The following KCTD8 variants were observed in gnomAD, a reference collection of about 807,000 sequenced individuals.
KCTD8 encodes potassium channel tetramerization domain containing 8.
Under a neutral mutation model 31.5 loss-of-function variants are expected in KCTD8, and 27 were observed. The ratio of observed to expected loss-of-function variants is 0.86; its 90% CI spans 0.63 to 1.18. The LOEUF is 1.18. Among genes scored for constraint, KCTD8 ranks in the 50% most tolerant of loss-of-function variants. KCTD8 has a pLI of 0.00. For synonymous variants in KCTD8, 290 were observed against 280.0 expected, an observed-to-expected ratio of 1.04 and a Z score of -0.36; for missense variants, 658 against 647.7, an observed-to-expected ratio of 1.02 and a Z score of -0.17.
At chr4:44,264,536 A>C (rs980941921) in intron 1 of KCTD8, among the ~76,000 whole-genome samples, 3 of 152,300 alleles carry the variant, frequency 2.0e-5, no homozygotes, top group African/African-American at 4.8e-5. Flanking sequence ...CAGTGGGCGC[A>C]GGACAGCGGG....
At chr4:44,176,341 C>G (rs1409625457) in intron 1 of KCTD8, among the ~76,000 whole-genome samples, 1 of 152,156 alleles carries the variant, frequency 6.6e-6, no homozygotes, top group African/African-American at 2.4e-5. Context: ...GAATCACCTA[C>G]AAAGCTTCAG....
chr4:44,360,212 C>T (rs1719460443), intron 1 of KCTD8, among the ~76,000 whole-genome samples: 1 of 151,744 alleles, frequency 6.6e-6, no homozygotes, highest in African/African-American at 2.4e-5. Context: ...AGGCAGATTA[C>T]CCCAACTGTT....
At chr4:44,386,202 T>C (rs1720207002) in intron 1 of KCTD8, among the ~76,000 whole-genome samples, 1 of 151,480 alleles carries the variant, frequency 6.6e-6, no homozygotes, top group African/African-American at 2.4e-5. Context: ...TCTGGGTATA[T>C]ACTCCCAAAA....
At chr4:44,203,389 G>A (rs1374369177) in intron 1 of KCTD8, among the ~76,000 whole-genome samples, 1 of 150,534 alleles carries the variant, frequency 6.6e-6, no homozygotes, top group African/African-American at 2.4e-5. Flanking sequence ...TGTAATCCCA[G>A]CTACCTGGGA....
At chr4:44,394,995 A>T (rs943555473) in intron 1 of KCTD8, among the ~76,000 whole-genome samples, 9 of 152,038 alleles carry the variant, frequency 5.9e-5, no homozygotes, top group African/African-American at 2.2e-4. Context: ...TTCAGGCATG[A>T]TAGTTGTGTT....
At chr4:44,289,989 C>G (rs879859715) in intron 1 of KCTD8, among the ~76,000 whole-genome samples, 1 of 151,996 alleles carries the variant, frequency 6.6e-6, no homozygotes, top group Non-Finnish European at 1.5e-5. Context: ...AGTAAATGGT[C>G]CAAATGCCGC....
intron 1 of KCTD8, among the ~76,000 whole-genome samples, chr4:44,310,492 C>T (rs891728609): frequency 2.0e-5 from 3 of 152,034 alleles, no homozygotes; most frequent in African/African-American, 7.2e-5. Flanking sequence ...CCTGATATGG[C>T]CTAAACCACT....
At chr4:44,314,102 T>C (rs765232508) in intron 1 of KCTD8, among the ~76,000 whole-genome samples, 3 of 152,278 alleles carry the variant, frequency 2.0e-5, no homozygotes, top group Middle Eastern at 3.4e-3. Flanking sequence ...AAGGATTTAG[T>C]GATTGGATAT....
At chr4:44,363,835 C>T (rs1289436784) in intron 1 of KCTD8, among the ~76,000 whole-genome samples, 1 of 151,648 alleles carries the variant, frequency 6.6e-6, no homozygotes, top group Admixed American at 6.6e-5. Flanking sequence ...AAATTTTGTC[C>T]AACTATGGAC....
At chr4:44,212,886 T>G (rs1714532755) in intron 1 of KCTD8, among the ~76,000 whole-genome samples, 1 of 152,188 alleles carries the variant, frequency 6.6e-6, no homozygotes, top group African/African-American at 2.4e-5. Flanking sequence ...ATTTTTACTT[T>G]GTTTCACTTT....
intron 1 of KCTD8, among the ~76,000 whole-genome samples, chr4:44,412,892 C>G (rs1398815457): frequency 6.6e-6 from 1 of 152,026 alleles, no homozygotes; most frequent in East Asian, 1.9e-4. Flanking sequence ...AAGAGTCGTT[C>G]CAAAACACAG....
intron 1 of KCTD8, among the ~76,000 whole-genome samples, chr4:44,301,866 C>A (rs560226730): frequency 4.9e-4 from 75 of 152,302 alleles, no homozygotes; most frequent in Middle Eastern, 3.4e-3. Context: ...ACATTTAAGT[C>A]TTTAATCCAT....
At chr4:44,245,731 AT>A (rs539427871) in intron 1 of KCTD8, among the ~76,000 whole-genome samples, 6 of 152,026 alleles carry the variant, frequency 3.9e-5, no homozygotes, top group South Asian at 2.1e-4. Flanking sequence ...CATAATTAGC[AT>A]TTTTTTCCTA....
chr4:44,419,152 T>C (rs1211322329), intron 1 of KCTD8, among the ~76,000 whole-genome samples: 3 of 152,104 alleles, frequency 2.0e-5, no homozygotes, highest in Admixed American at 6.6e-5. Flanking sequence ...CCAAAACCCA[T>C]GGACAAAATT....
At position 44,380,213 on chromosome 4, in the gene KCTD8, T is replaced by C. The variant is rs186239223; in HGVS notation, c.961+67350A>G. Among the ~76,000 whole-genome samples the C allele has an allele frequency of 3.6e-3, 544 of 152,038 alleles. 3 individuals carry two copies. Among genetic ancestry groups the C allele is most frequent in the African/African-American group, 0.012 (510 of 41,536 alleles). On this transcript the variant is annotated intron_variant, in intron 1 of 1. Coordinates refer to ENST00000360029, the MANE Select transcript of KCTD8 (RefSeq NM_198353.3). ...ATGATATGACACTTCATATATACCA[T>C]CCTTCCTTATAAGACCCTCATTTTT... is the stretch of plus-strand genomic sequence containing the variant.
In KCTD8 at chr4:44,306,218, T is replaced by A. The variant is rs188745550; in HGVS notation, c.962-130968A>T. ...AAAATGAAGACAAAAACAAATATAA[T>A]TCGTCAGTTAAAAAGAGATAAATAA... On this transcript the variant is annotated intron_variant, in intron 1 of 1. Transcript: ENST00000360029. 4.7e-4 allele frequency among the ~76,000 whole-genome samples: 71 copies of A among 152,038 alleles called. No homozygotes were observed. The East Asian group carries it at 0.013, about 29-fold the overall frequency.
chr4:44,420,369 G>C (rs893949090), intron 1 of KCTD8, among the ~76,000 whole-genome samples: 1 of 152,126 alleles, frequency 6.6e-6, no homozygotes, highest in Non-Finnish European at 1.5e-5. Flanking sequence ...TAACTTATTT[G>C]GTCAAAATAC....
intron 1 of KCTD8, among the ~76,000 whole-genome samples, chr4:44,404,844 T>C (rs1720746447): frequency 6.6e-6 from 1 of 152,184 alleles, no homozygotes; most frequent in South Asian, 2.1e-4. Context: ...ACTTTGAACA[T>C]TCCTTGAAAT....
intron 1 of KCTD8, among the ~76,000 whole-genome samples, chr4:44,384,560 T>C (rs796197859): frequency 6.6e-5 from 10 of 151,984 alleles, no homozygotes; most frequent in African/African-American, 2.4e-4. Context: ...CTAATTCATA[T>C]GTGGAAGCTA....
Sources: allele counts gnomAD v4.1 joint callset (sites outside exome capture counted in the v4.1 genomes callset), GRCh38; gene constraint gnomAD v4.1.1; transcripts MANE v1.5; gene names NCBI Gene and HGNC (gene_info 2026-07-23, HGNC 2026-07-21).